Variants in CHCHD3 observed in about 807,000 individuals in gnomAD.
The protein encoded by CHCHD3 is coiled-coil-helix-coiled-coil-helix domain containing 3.
A neutral mutation model predicts 38.2 loss-of-function variants in CHCHD3; 20 were observed. That is an observed-to-expected ratio of 0.52 (90% CI 0.37 to 0.76). The LOEUF (loss-of-function observed/expected upper bound fraction) is 0.76. Ranked by LOEUF, CHCHD3 falls within the 30% of genes least tolerant of loss-of-function variation. The pLI, the probability that CHCHD3 is intolerant of heterozygous loss-of-function variation, is 0.00. For synonymous variants in CHCHD3, 82 were observed against 100.0 expected, an observed-to-expected ratio of 0.82 and a Z score of 1.07; for missense variants, 245 against 279.2, an observed-to-expected ratio of 0.88 and a Z score of 0.87.
chr7:132,917,858 C>CAAAAAA, intron 4 of CHCHD3, among the ~76,000 whole-genome samples: 7 of 92,976 alleles, frequency 7.5e-5, no homozygotes, highest in East Asian at 3.4e-4. Context: ...GACTCCATCT[C>CAAAAAA]AAAAAAAAAA....
intron 4 of CHCHD3, among the ~76,000 whole-genome samples, chr7:132,950,177 GAAAT>G (rs1242106625): frequency 6.6e-6 from 1 of 152,096 alleles, no homozygotes; most frequent in Admixed American, 6.6e-5. Flanking sequence ...CTTTTTTAAA[GAAAT>G]AAGTCATAGT....
intron 4 of CHCHD3, among the ~76,000 whole-genome samples, chr7:132,969,616 C>G (rs967848630): frequency 6.6e-6 from 1 of 152,192 alleles, no homozygotes; most frequent in African/African-American, 2.4e-5. Flanking sequence ...CTCAACCCTT[C>G]AAAGCTAAAA....
At chr7:132,886,777 C>A (rs1316419509) in intron 4 of CHCHD3, among the ~76,000 whole-genome samples, 2 of 151,456 alleles carry the variant, frequency 1.3e-5, no homozygotes, top group African/African-American at 2.4e-5. Flanking sequence ...GTATACATTT[C>A]TTTAATTGTA....
chr7:133,015,352 A>ATAAAT (rs1813000780), intron 3 of CHCHD3, among the ~76,000 whole-genome samples: 1 of 129,424 alleles, frequency 7.7e-6, no homozygotes, highest in African/African-American at 2.7e-5. Context: ...CAAAAATTAA[A>ATAAAT]TAAATAAATA....
At chr7:132,879,787 T>C (rs965271184) in intron 5 of CHCHD3, among the ~76,000 whole-genome samples, 1 of 129,888 alleles carries the variant, frequency 7.7e-6, no homozygotes, top group Non-Finnish European at 1.6e-5. Flanking sequence ...GATGAAAAGA[T>C]GGAAGGCAGT....
At chr7:132,887,052 T>G (rs1209768234) in intron 4 of CHCHD3, 39 of 837,438 alleles carry the variant, frequency 4.7e-5, no homozygotes, top group Non-Finnish European at 6.1e-5. Flanking sequence ...TTTTCCTAAT[T>G]TCACACACAC....
intron 6 of CHCHD3, among the ~76,000 whole-genome samples, chr7:132,804,952 C>A (rs972684520): frequency 3.3e-5 from 5 of 152,052 alleles, no homozygotes; most frequent in African/African-American, 1.2e-4. Context: ...CCATCCCTAT[C>A]GGTTACTTGA....
At chr7:132,828,247 G>A (rs1807557629) in intron 6 of CHCHD3, among the ~76,000 whole-genome samples, 1 of 152,104 alleles carries the variant, frequency 6.6e-6, no homozygotes, top group South Asian at 2.1e-4. Flanking sequence ...AGCAAAGTGA[G>A]TTCTGGTTTC....
At chr7:133,001,995 T>C (rs1812587380) in intron 3 of CHCHD3, among the ~76,000 whole-genome samples, 1 of 152,136 alleles carries the variant, frequency 6.6e-6, no homozygotes, top group Non-Finnish European at 1.5e-5. Flanking sequence ...AGATGAGGCA[T>C]CTAGAGTTAT....
At chr7:132,984,909 G>GC (rs1325406565) in intron 3 of CHCHD3, among the ~76,000 whole-genome samples, 1 of 93,354 alleles carries the variant, frequency 1.1e-5, no homozygotes, top group African/African-American at 4.1e-5. Context: ...GGGGGGGTCA[G>GC]CCCCCCGCCC....
intron 4 of CHCHD3, among the ~76,000 whole-genome samples, chr7:132,909,749 A>G (rs755208471): frequency 6.6e-6 from 1 of 152,162 alleles, no homozygotes; most frequent in Non-Finnish European, 1.5e-5. Context: ...CTACTCTCTC[A>G]TTATTAACAC....
At chr7:132,988,313 ACACC>A (rs1035276569) in intron 3 of CHCHD3, among the ~76,000 whole-genome samples, 70 of 151,782 alleles carry the variant, frequency 4.6e-4, no homozygotes, top group African/African-American at 1.4e-3. Context: ...ACACACACAC[ACACC>A]CACACAAATA....
chr7:132,865,782 GGGA>G, intron 5 of CHCHD3, among the ~76,000 whole-genome samples: 1 of 152,270 alleles, frequency 6.6e-6, no homozygotes. Flanking sequence ...AGCAAGAGCA[GGGA>G]GGAGGAGGTA....
intron 3 of CHCHD3, among the ~76,000 whole-genome samples, chr7:132,982,307 C>T (rs984083558): frequency 2.6e-5 from 4 of 151,990 alleles, no homozygotes; most frequent in East Asian, 1.9e-4. Flanking sequence ...TTTTTTGAGA[C>T]GGAGTCTCAC....
chr7:132,804,807 G>T (rs971766853), intron 6 of CHCHD3, among the ~76,000 whole-genome samples: 14 of 152,184 alleles, frequency 9.2e-5, no homozygotes, highest in African/African-American at 3.1e-4. Context: ...AATTGCAAAT[G>T]TATTTATTTT....
chr7:133,047,805 G>C (rs1390229084), intron 2 of CHCHD3, among the ~76,000 whole-genome samples: 4 of 152,048 alleles, frequency 2.6e-5, no homozygotes, highest in Admixed American at 2.6e-4. Flanking sequence ...TACCTACTCA[G>C]GGCCAGGCGC....
intron 5 of CHCHD3, among the ~76,000 whole-genome samples, chr7:132,871,649 C>T (rs1808769756): frequency 6.6e-6 from 1 of 152,120 alleles, no homozygotes. Flanking sequence ...TCCATGAAGG[C>T]AAGGTGGAAA....
At chr7:133,080,546 C>T (rs1414531893) in intron 1 of CHCHD3, among the ~76,000 whole-genome samples, 1 of 152,170 alleles carries the variant, frequency 6.6e-6, no homozygotes, top group Non-Finnish European at 1.5e-5. Context: ...TACTGAAAGC[C>T]TAATGGCAAG....
intron 5 of CHCHD3, among the ~76,000 whole-genome samples, chr7:132,857,381 T>A (rs900824823): frequency 5.9e-5 from 9 of 152,166 alleles, no homozygotes; most frequent in African/African-American, 2.2e-4. Flanking sequence ...ACAGGGAGAC[T>A]GGCAAATCTC....
Sources: gnomAD v4.1 joint callset for allele counts (sites outside exome capture counted in the v4.1 genomes callset) on GRCh38, gnomAD v4.1.1 for gene constraint, MANE v1.5 for transcripts, NCBI Gene and HGNC (gene_info 2026-07-23, HGNC 2026-07-21) for gene names.